DESI2: variants seen among roughly 807,000 people sequenced by gnomAD.
The protein encoded by DESI2 is deubiquitinase DESI2.
DESI2 carries 10 observed loss-of-function variants against 24.1 expected under a neutral mutation model. That is an observed-to-expected ratio of 0.41 (90% confidence interval 0.26 to 0.70). DESI2 has a LOEUF of 0.70. Among genes scored for constraint, DESI2 ranks in the 30% least tolerant of loss-of-function variants. The pLI is 0.29. For synonymous variants in DESI2, 71 were observed against 87.7 expected, an observed-to-expected ratio of 0.81 and a Z score of 1.06; for missense variants, 122 against 234.9, an observed-to-expected ratio of 0.52 and a Z score of 3.14.
intron 1 of DESI2, chr1:244,653,611 TTGGACCCGACCCCGGCTC>T (rs1675539534): frequency 3.8e-6 from 2 of 532,344 alleles, no homozygotes; most frequent in Non-Finnish European, 3.3e-6. Flanking sequence ...TCCGCTCAGC[TTGGACCCGACCCCGGCTC>T]TGGGCCCGAC....
chr1:244,666,104 C>T (rs1481077078), intron 1 of DESI2, among the ~76,000 whole-genome samples: 1 of 152,126 alleles, frequency 6.6e-6, no homozygotes, highest in African/African-American at 2.4e-5. Flanking sequence ...TCCCACTCTC[C>T]GAGACAACTA....
At chr1:244,691,110 A>G (rs1016928248) in intron 3 of DESI2, among the ~76,000 whole-genome samples, 1 of 152,166 alleles carries the variant, frequency 6.6e-6, no homozygotes, top group African/African-American at 2.4e-5. Context: ...TTGTTTAGAG[A>G]TGGAGTCTTG....
intron 1 of DESI2, chr1:244,656,663 C>T (rs903575789): frequency 6.6e-6 from 1 of 152,066 alleles, no homozygotes; most frequent in Non-Finnish European, 1.5e-5. Context: ...TTTCATAGAT[C>T]CAGATTTTGT....
intron 1 of DESI2, among the ~76,000 whole-genome samples, chr1:244,680,260 CA>C (rs1414100594): frequency 6.6e-6 from 1 of 152,050 alleles, no homozygotes; most frequent in Admixed American, 6.6e-5. Flanking sequence ...CCAGCCTGGA[CA>C]ACATGATGAA....
At chr1:244,691,056 G>T (rs951569270) in intron 3 of DESI2, among the ~76,000 whole-genome samples, 1 of 152,194 alleles carries the variant, frequency 6.6e-6, no homozygotes, top group Admixed American at 6.5e-5. Context: ...GATAATGTCT[G>T]TCGCCTTTCC....
chr1:244,687,055 A>C (rs1046272982), intron 2 of DESI2, among the ~76,000 whole-genome samples: 2 of 152,204 alleles, frequency 1.3e-5, no homozygotes, highest in African/African-American at 2.4e-5. Flanking sequence ...TTGGTCGGAA[A>C]GGTTGGTGCT....
chr1:244,707,199 CTT>C lies in DESI2; in HGVS notation c.*1413_*1414del, dbSNP rs1677740797. The C allele has an allele frequency of 6.6e-6, 1 of 152,496 alleles. No homozygotes were observed. Among genetic ancestry groups the C allele is most frequent in the African/African-American group, 2.4e-5 (1 of 41,420 alleles). 9.4% of individuals were successfully genotyped at this position (152,496 alleles called of 1,614,324 possible). Reference sequence around the variant, plus strand: ...TTAAAATTATTGACATTTATTTAAACTTTTAGATTGGATTGTTTGCTATTGCT... The same window carrying C: ...TTAAAATTATTGACATTTATTTAAACTTAGATTGGATTGTTTGCTATTGCT... On this transcript the variant is annotated 3_prime_UTR_variant, in exon 5 of 5. Transcript: ENST00000302550.
At chr1:244,680,948 CT>C (rs34557918) in intron 1 of DESI2, among the ~76,000 whole-genome samples, 89,859 of 140,990 alleles carry the variant, frequency 0.64, 29,131 homozygotes, top group Non-Finnish European at 0.71. Flanking sequence ...CCTCCTTTTA[CT>C]TTTTTTTTTT....
intron 1 of DESI2, among the ~76,000 whole-genome samples, chr1:244,677,306 C>T (rs1011086690): frequency 2.0e-5 from 3 of 152,118 alleles, no homozygotes; most frequent in Non-Finnish European, 4.4e-5. Context: ...TTGTCCATTT[C>T]ATCTCAGTTA....
At chr1:244,686,528 A>T in intron 1 of DESI2, 69 bp from the exon 2 acceptor site, 1 of 951,272 alleles carries the variant, frequency 1.1e-6, no homozygotes, top group Non-Finnish European at 1.7e-6. Context: ...GGGAGCAGTC[A>T]CTTCTGTAGC....
At chr1:244,658,065 C>T (rs189128591) in intron 1 of DESI2, among the ~76,000 whole-genome samples, 3 of 152,312 alleles carry the variant, frequency 2.0e-5, no homozygotes, top group Non-Finnish European at 2.9e-5. Context: ...AAATCGGTTA[C>T]TTTATCCCCA....
At chr1:244,663,301 TGA>T in intron 1 of DESI2, among the ~76,000 whole-genome samples, 1 of 152,090 alleles carries the variant, frequency 6.6e-6, no homozygotes, top group East Asian at 1.9e-4. Context: ...CTCAGTCTTC[TGA>T]GTAGCTGGGA....
Position 244,675,896 on chromosome 1 carries a change from C to G in DESI2, c.43-10701C>G, listed in dbSNP as rs964176535. ...TAACAGTATTAAATCTTCCAGTTCA[C>G]AAGCGTGGAATGTCTTTCCATTTAT... On this transcript the variant is annotated intron_variant, in intron 1 of 4. Coordinates refer to ENST00000302550, the MANE Select transcript of DESI2 (RefSeq NM_016076.5). Among the ~76,000 whole-genome samples, 22 of 152,278 alleles carry G rather than the reference C, an allele frequency of 1.4e-4. No individual in the cohort carries two copies. In the Middle Eastern group the frequency reaches 0.014, roughly 94 times the overall value.
intron 1 of DESI2, among the ~76,000 whole-genome samples, chr1:244,684,559 T>A (rs1015860131): frequency 5.3e-4 from 80 of 152,356 alleles, no homozygotes; most frequent in African/African-American, 1.8e-3. Flanking sequence ...ATGTGGTTTT[T>A]AAATATCTAT....
intron 1 of DESI2, among the ~76,000 whole-genome samples, chr1:244,679,038 T>TC (rs529615902): frequency 6.0e-4 from 92 of 152,240 alleles, no homozygotes; most frequent in African/African-American, 2.0e-3. Context: ...ACTCTTTTTC[T>TC]CTTTTTTTCT....
intron 1 of DESI2, among the ~76,000 whole-genome samples, chr1:244,674,144 G>A (rs1203261444): frequency 1.3e-5 from 2 of 151,738 alleles, no homozygotes; most frequent in Non-Finnish European, 2.9e-5. Context: ...ACAGGCGTCC[G>A]CCACCACGCC....
At chr1:244,691,120 G>C (rs969824009) in intron 3 of DESI2, among the ~76,000 whole-genome samples, 2 of 152,138 alleles carry the variant, frequency 1.3e-5, no homozygotes, top group African/African-American at 4.8e-5. Flanking sequence ...ATGGAGTCTT[G>C]CTCTGTCACC....
chr1:244,688,957 CAGAG>C (rs1224952186), intron 2 of DESI2, among the ~76,000 whole-genome samples: 8 of 152,142 alleles, frequency 5.3e-5, no homozygotes, highest in African/African-American at 1.9e-4. Flanking sequence ...TATAGACAGG[CAGAG>C]AGAACTGTAT....
chr1:244,665,082 A>G (rs1675995967), intron 1 of DESI2, among the ~76,000 whole-genome samples: 1 of 151,996 alleles, frequency 6.6e-6, no homozygotes, highest in African/African-American at 2.4e-5. Flanking sequence ...TTCCTGCACC[A>G]TTATTAGATG....
Sources: allele counts gnomAD v4.1 joint callset (sites outside exome capture counted in the v4.1 genomes callset), GRCh38; gene constraint gnomAD v4.1.1; transcripts MANE v1.5; gene names NCBI Gene and HGNC (gene_info 2026-07-23, HGNC 2026-07-21).